ME1: variants seen among roughly 807,000 people sequenced by gnomAD.
ME1 encodes the protein NADP-dependent malic enzyme.
In ME1, 74 loss-of-function variants were observed where a neutral mutation model predicts 66.4. The observed-to-expected ratio is 1.11, with a 90% CI of 0.92 to 1.35. The LOEUF (loss-of-function observed/expected upper bound fraction) is 1.35, where lower values mean the gene tolerates loss of function less well. Ranked by LOEUF, ME1 falls within the 40% of genes most tolerant of loss-of-function variation. The pLI is 0.00. For synonymous variants in ME1, 251 were observed against 235.6 expected, an observed-to-expected ratio of 1.07 and a Z score of -0.60; for missense variants, 750 against 694.1, an observed-to-expected ratio of 1.08 and a Z score of -0.90.
At position 83,430,959 on chromosome 6, in the gene ME1, G is replaced by A. The variant is rs1263319818; in HGVS notation, c.-5C>T. 2 of 1,558,246 alleles carry A rather than the reference G, an allele frequency of 1.3e-6. No homozygotes were observed. The highest frequency in any genetic ancestry group is 1.9e-5 in the Admixed American group (1 of 51,884). On this transcript the variant is annotated 5_prime_UTR_variant, in exon 1 of 14. Transcript: ENST00000369705. ...ACGGGGGGCTTCGGGCTCCATGGCT[G>A]GCGCCGGGTTCGGCGGCGGGGTCAG...
At chr6:83,271,326 G>A (rs1327033062) in intron 6 of ME1, among the ~76,000 whole-genome samples, 1 of 152,114 alleles carries the variant, frequency 6.6e-6, no homozygotes, top group African/African-American at 2.4e-5. Flanking sequence ...TTCCTGGGGT[G>A]GCTCTATCAG....
chr6:83,392,749 T>C (rs1331701880), intron 3 of ME1: 1 of 651,426 alleles, frequency 1.5e-6, no homozygotes, highest in East Asian at 3.6e-5. Context: ...TGGGGCTCAC[T>C]TGGAGGGAGG....
intron 2 of ME1, among the ~76,000 whole-genome samples, chr6:83,404,748 A>G (rs1769906147): frequency 6.6e-6 from 1 of 152,222 alleles, no homozygotes; most frequent in Non-Finnish European, 1.5e-5. Context: ...TCCCAACACC[A>G]TATATTAAAT....
At chr6:83,355,787 T>C (rs1467234101) in intron 3 of ME1, among the ~76,000 whole-genome samples, 1 of 152,142 alleles carries the variant, frequency 6.6e-6, no homozygotes, top group African/African-American at 2.4e-5. Flanking sequence ...TATATACAGT[T>C]ATAAAATAAA....
intron 5 of ME1, among the ~76,000 whole-genome samples, chr6:83,324,108 AG>A (rs1284612328): frequency 6.6e-6 from 1 of 152,148 alleles, no homozygotes; most frequent in Non-Finnish European, 1.5e-5. Context: ...AATGAAATTA[AG>A]GCAGAAATAA....
chr6:83,361,970 A>G (rs966262115), intron 3 of ME1, among the ~76,000 whole-genome samples: 3 of 152,176 alleles, frequency 2.0e-5, no homozygotes, highest in Non-Finnish European at 4.4e-5. Context: ...CGATGGCCTC[A>G]TGAGGAGTTC....
chr6:83,242,658 C>T (rs760411769), intron 7 of ME1, among the ~76,000 whole-genome samples: 12 of 152,078 alleles, frequency 7.9e-5, no homozygotes, highest in South Asian at 2.1e-4. Context: ...ATTAGTATTC[C>T]TTTCCCCAAC....
chr6:83,394,253 G>A (rs1407968567), intron 3 of ME1, among the ~76,000 whole-genome samples: 1 of 151,970 alleles, frequency 6.6e-6, no homozygotes, highest in African/African-American at 2.4e-5. Context: ...TATGAAGTTT[G>A]ATGGAACAAA....
At chr6:83,264,102 A>T (rs1766946406) in intron 6 of ME1, among the ~76,000 whole-genome samples, 1 of 152,194 alleles carries the variant, frequency 6.6e-6, no homozygotes, top group African/African-American at 2.4e-5. Flanking sequence ...TCTGAAGCCA[A>T]TGCTCATTCA....
At chr6:83,416,542 T>G (rs1295429482) in intron 1 of ME1, among the ~76,000 whole-genome samples, 2 of 152,150 alleles carry the variant, frequency 1.3e-5, no homozygotes, top group African/African-American at 2.4e-5. Context: ...TTTCACAAAC[T>G]CTATGAGATT....
At chr6:83,350,744 TC>T (rs1240374007) in intron 4 of ME1, among the ~76,000 whole-genome samples, 9 of 152,208 alleles carry the variant, frequency 5.9e-5, no homozygotes, top group Admixed American at 5.2e-4. Flanking sequence ...CACCTCGGCC[TC>T]CCAAAGTGTT....
intron 6 of ME1, among the ~76,000 whole-genome samples, chr6:83,301,312 CTT>C (rs779285489): frequency 0.012 from 1,557 of 125,956 alleles, 14 homozygotes; most frequent in Non-Finnish European, 0.018. Context: ...TTCTTTCTTT[CTT>C]TCTCTCTCTC....
In ME1 at chr6:83,210,445, T is replaced by C. The variant is rs1789853715; in HGVS notation, c.*1479A>G. On this transcript the variant is annotated 3_prime_UTR_variant, in exon 14 of 14. Coordinates refer to ENST00000369705, the MANE Select transcript of ME1 (RefSeq NM_002395.6). ...TTATTCATTCACCTTTTCTATGCTT[T>C]AATAAATCTTTTGCATAGGTAAACA... 6.6e-6 allele frequency: 1 copy of C among 152,598 alleles called. No individual in the cohort carries two copies. The highest frequency in any genetic ancestry group is 1.5e-5 in the Non-Finnish European group (1 of 68,044). The allele number at this position is 152,598 out of a possible 1,614,324, so 9.5% of individuals were successfully genotyped here. A position where few individuals can be genotyped will look rare whatever the true frequency, so the allele number is the denominator to read the frequency against.
At chr6:83,266,059 A>T (rs1766984227) in intron 6 of ME1, among the ~76,000 whole-genome samples, 1 of 152,180 alleles carries the variant, frequency 6.6e-6, no homozygotes, top group Non-Finnish European at 1.5e-5. Flanking sequence ...TCTATACATA[A>T]TCTTCAAAGA....
chr6:83,294,697 C>T (rs1025144021), intron 6 of ME1, among the ~76,000 whole-genome samples: 2 of 152,154 alleles, frequency 1.3e-5, no homozygotes, highest in Non-Finnish European at 2.9e-5. Flanking sequence ...AGTGCCTTAT[C>T]CACATCTCCA....
At chr6:83,348,737 G>C (rs529686286) in intron 4 of ME1, among the ~76,000 whole-genome samples, 5 of 150,244 alleles carry the variant, frequency 3.3e-5, no homozygotes, top group Non-Finnish European at 7.4e-5. Context: ...TATAATCCCA[G>C]CACACTTTGG....
At chr6:83,263,386 G>A (rs1380002544) in intron 6 of ME1, among the ~76,000 whole-genome samples, 1 of 152,158 alleles carries the variant, frequency 6.6e-6, no homozygotes, top group African/African-American at 2.4e-5. Context: ...TAAGTTTAGT[G>A]AGAAAGGAAT....
At chr6:83,311,411 T>A (rs531288090) in intron 6 of ME1, among the ~76,000 whole-genome samples, 1 of 152,258 alleles carries the variant, frequency 6.6e-6, no homozygotes, top group Non-Finnish European at 1.5e-5. Flanking sequence ...TGGTGCAAAC[T>A]CATTGCTAGG....
chr6:83,327,862 C>G (rs898430869), intron 5 of ME1, among the ~76,000 whole-genome samples: 14 of 152,210 alleles, frequency 9.2e-5, no homozygotes, highest in African/African-American at 3.4e-4. Flanking sequence ...ATGTCTCCCC[C>G]GGATGCCCAG....
Sources: allele counts gnomAD v4.1 joint callset (sites outside exome capture counted in the v4.1 genomes callset), GRCh38; gene constraint gnomAD v4.1.1; transcripts MANE v1.5; gene names NCBI Gene and HGNC (gene_info 2026-07-23, HGNC 2026-07-21).